Variants in SLC9A9 observed in about 807,000 individuals in gnomAD.
The protein encoded by SLC9A9 is solute carrier family 9 member A9, also known as sodium/hydrogen exchanger 9.
A neutral mutation model predicts 77.8 loss-of-function variants in SLC9A9; 62 were observed. That is an observed-to-expected ratio of 0.80 (90% confidence interval 0.65 to 0.98). The LOEUF is 0.98. Ranked by LOEUF, SLC9A9 falls within the 50% of genes least tolerant of loss-of-function variation. The pLI, the probability that SLC9A9 is intolerant of heterozygous loss-of-function variation, is 0.00. For missense variants in SLC9A9, 775 were observed against 774.9 expected (o/e 1.00, Z 0.00); for synonymous variants, 320 against 283.5 (o/e 1.13, Z -1.29).
chr3:143,507,400 G>C (rs770276869), intron 9 of SLC9A9, among the ~76,000 whole-genome samples: 2 of 152,038 alleles, frequency 1.3e-5, no homozygotes, highest in Non-Finnish European at 2.9e-5. Flanking sequence ...GCAGAAACGG[G>C]GTTTCACCAT....
chr3:143,632,831 T>G (rs983302201), intron 6 of SLC9A9, among the ~76,000 whole-genome samples: 14 of 152,214 alleles, frequency 9.2e-5, no homozygotes, highest in African/African-American at 2.7e-4. Flanking sequence ...GAGATGGATG[T>G]AACTGTTCCA....
At position 143,740,738 on chromosome 3, in the gene SLC9A9, A is replaced by T. The variant is rs570062053; in HGVS notation, c.534-47431T>A. 3.3e-5 allele frequency among the ~76,000 whole-genome samples: 5 copies of T among 152,344 alleles called. No homozygotes were observed. In the South Asian group the frequency reaches 1.0e-3, roughly 32 times the overall value. ...AAAACACCTCATTAAAGGGGATAGG[A>T]GAAAAGCTGACCTAAAAGATTTTGG... On this transcript the variant is annotated intron_variant, in intron 4 of 15. Coordinates refer to ENST00000316549, the MANE Select transcript of SLC9A9 (RefSeq NM_173653.4).
At chr3:143,616,499 G>A (rs1316724651) in intron 6 of SLC9A9, among the ~76,000 whole-genome samples, 2 of 152,088 alleles carry the variant, frequency 1.3e-5, no homozygotes, top group Non-Finnish European at 2.9e-5. Context: ...GGTTATCACT[G>A]GATTATGGCA....
chr3:143,307,342 C>T lies in SLC9A9; in HGVS notation c.1605-38362G>A, dbSNP rs142502536. Among the ~76,000 whole-genome samples the T allele has an allele frequency of 3.8e-3, 576 of 152,356 alleles. 11 individuals are homozygous for T. Among genetic ancestry groups the T allele is most frequent in the Non-Finnish European group, 1.5e-3 (101 of 68,032 alleles). ...AGCAGGAGGTATCTCTAATCTGTCC[C>T]ACAGTGACTGGCTTATAATAGACCT... On this transcript the variant is annotated intron_variant, in intron 14 of 15. Coordinates refer to ENST00000316549, the MANE Select transcript of SLC9A9 (RefSeq NM_173653.4).
At chr3:143,556,185 C>A (rs75156617) in intron 8 of SLC9A9, among the ~76,000 whole-genome samples, 1,986 of 152,252 alleles carry the variant, frequency 0.013, 23 homozygotes, top group Middle Eastern at 0.034. Flanking sequence ...AATTGTGAAG[C>A]TGTTATGTGA....
Position 143,495,384 on chromosome 3 carries a change from A to T in SLC9A9, c.1154T>A (p.Phe385Tyr), listed in dbSNP as rs1363204898. 1.9e-6 allele frequency: 3 copies of T among 1,614,194 alleles called. No homozygotes were observed. The highest frequency in any genetic ancestry group is 2.5e-6 in the Non-Finnish European group (3 of 1,180,008). Reference sequence around the variant, plus strand: ...ATTAAAGATATGATTCTGGAACGTGAACAGTGCCAGGCCCATGTAACAGAA... The same window carrying T: ...ATTAAAGATATGATTCTGGAACGTGTACAGTGCCAGGCCCATGTAACAGAA... ...VIFCYMGLAL[F>Y]TFQNHIFNAL... Residue 385 changes from phenylalanine to tyrosine, a missense_variant, in exon 10 of 16, where the codon TTC becomes TAC. By Grantham distance (22) the Phe-to-Tyr change is conservative. Transcript: ENST00000316549.
chr3:143,527,179 A>T (rs570912677), intron 9 of SLC9A9, among the ~76,000 whole-genome samples: 1 of 152,294 alleles, frequency 6.6e-6, no homozygotes, highest in Admixed American at 6.5e-5. Flanking sequence ...CAATATTTTC[A>T]TTTTAGCTTT....
At chr3:143,552,207 G>A (rs1220041303) in intron 9 of SLC9A9, among the ~76,000 whole-genome samples, 155 bp downstream of exon 9, 1 of 152,010 alleles carries the variant, frequency 6.6e-6, no homozygotes, top group Non-Finnish European at 1.5e-5. Context: ...TTATCCTGGA[G>A]GGAAAAAAAT....
At chr3:143,823,682 A>G (rs2009228341) in intron 2 of SLC9A9, among the ~76,000 whole-genome samples, 1 of 151,928 alleles carries the variant, frequency 6.6e-6, no homozygotes, top group African/African-American at 2.4e-5. Context: ...AATAAATTAA[A>G]AATTAAACAT....
chr3:143,379,682 G>A (rs1333486204), intron 13 of SLC9A9, among the ~76,000 whole-genome samples: 1 of 152,140 alleles, frequency 6.6e-6, no homozygotes, highest in Non-Finnish European at 1.5e-5. Context: ...ACATAGTGAT[G>A]TTTCGTGTCA....
intron 9 of SLC9A9, among the ~76,000 whole-genome samples, chr3:143,514,271 G>C (rs1008342125): frequency 3.3e-5 from 5 of 151,138 alleles, no homozygotes; most frequent in African/African-American, 1.2e-4. Context: ...AAACCATGCT[G>C]TAAACAGATG....
chr3:143,289,219 G>A (rs950314325), intron 14 of SLC9A9, among the ~76,000 whole-genome samples: 1 of 152,148 alleles, frequency 6.6e-6, no homozygotes, highest in South Asian at 2.1e-4. Context: ...GCTAAACAGA[G>A]GAGCTTAGCA....
chr3:143,315,751 C>T (rs922404732), intron 14 of SLC9A9, among the ~76,000 whole-genome samples: 2 of 152,224 alleles, frequency 1.3e-5, no homozygotes, highest in African/African-American at 4.8e-5. Flanking sequence ...TGGAAGAACT[C>T]CCACTTGGGC....
intron 5 of SLC9A9, among the ~76,000 whole-genome samples, chr3:143,669,628 G>A (rs1244022865): frequency 6.6e-6 from 1 of 152,182 alleles, no homozygotes; most frequent in Non-Finnish European, 1.5e-5. Flanking sequence ...AGACCTTTGT[G>A]CCAAGACCTT....
At chr3:143,339,532 C>A (rs1165234143) in intron 14 of SLC9A9, among the ~76,000 whole-genome samples, 1 of 152,022 alleles carries the variant, frequency 6.6e-6, no homozygotes, top group Non-Finnish European at 1.5e-5. Context: ...ACATTCCCCC[C>A]CTTCTACACT....
intron 4 of SLC9A9, among the ~76,000 whole-genome samples, chr3:143,769,225 T>A (rs375161998): frequency 3.9e-5 from 6 of 152,320 alleles, no homozygotes; most frequent in African/African-American, 1.4e-4. Flanking sequence ...TTGTATTTTG[T>A]AATCTTAATA....
chr3:143,708,422 C>T (rs1934051389), intron 4 of SLC9A9, among the ~76,000 whole-genome samples: 1 of 152,228 alleles, frequency 6.6e-6, no homozygotes, highest in Non-Finnish European at 1.5e-5. Flanking sequence ...CAGCCTGCAC[C>T]ACCATCCTGG....
At chr3:143,601,430 A>G (rs1314366157) in intron 6 of SLC9A9, among the ~76,000 whole-genome samples, 1 of 151,344 alleles carries the variant, frequency 6.6e-6, no homozygotes, top group Non-Finnish European at 1.5e-5. Context: ...GGTAAGCTTC[A>G]TTTTGTAGAA....
intron 5 of SLC9A9, among the ~76,000 whole-genome samples, chr3:143,665,955 G>T (rs2039058356): frequency 6.6e-6 from 1 of 152,184 alleles, no homozygotes; most frequent in African/African-American, 2.4e-5. Context: ...AATAGAAAAA[G>T]ACGGAATCCT....
Sources: allele counts gnomAD v4.1 joint callset (sites outside exome capture counted in the v4.1 genomes callset), GRCh38; gene constraint gnomAD v4.1.1; transcripts MANE v1.5; gene names NCBI Gene and HGNC (gene_info 2026-07-23, HGNC 2026-07-21).